CORO1C: variants seen among roughly 807,000 people sequenced by gnomAD.
The protein encoded by CORO1C is coronin 1C.
CORO1C carries 14 observed loss-of-function variants against 51.2 expected under a neutral mutation model. The ratio of observed to expected loss-of-function variants is 0.27; its 90% CI spans 0.18 to 0.43. CORO1C has a LOEUF of 0.43. CORO1C is among the 20% of genes least tolerant of loss of function. The pLI, the probability that CORO1C is intolerant of heterozygous loss-of-function variation, is 1.00. For synonymous variants in CORO1C, 181 were observed against 210.5 expected (o/e 0.86, Z 1.21); for missense variants, 417 against 607.8 (o/e 0.69, Z 3.30).
At chr12:108,706,720 G>C (rs757613425) in intron 1 of CORO1C, among the ~76,000 whole-genome samples, 1 of 152,044 alleles carries the variant, frequency 6.6e-6, no homozygotes, top group South Asian at 2.1e-4. Context: ...TCAGCCTCCC[G>C]AGTAGCCGGG....
chr12:108,671,894 C>A (rs1358573818), intron 3 of CORO1C, among the ~76,000 whole-genome samples: 1 of 152,160 alleles, frequency 6.6e-6, no homozygotes, highest in Non-Finnish European at 1.5e-5. Context: ...TCCCAAGCAG[C>A]TGGGACCACA....
intron 1 of CORO1C, among the ~76,000 whole-genome samples, chr12:108,713,647 G>A (rs965369929): frequency 6.6e-6 from 1 of 152,226 alleles, no homozygotes; most frequent in Non-Finnish European, 1.5e-5. Context: ...GGCCCGTCAC[G>A]TTTCAGCCTG....
intron 4 of CORO1C, among the ~76,000 whole-genome samples, chr12:108,660,467 AAAAAAAG>A (rs1472114582): frequency 1.7e-4 from 26 of 151,810 alleles, no homozygotes; most frequent in Admixed American, 1.6e-3. Context: ...AAAAAAAAAA[AAAAAAAG>A]AAGTAGGAAA....
chr12:108,684,456 G>A (rs979536736), intron 2 of CORO1C, among the ~76,000 whole-genome samples: 2 of 152,078 alleles, frequency 1.3e-5, no homozygotes. Flanking sequence ...CCCATATTTT[G>A]TACAAGAGGA....
chr12:108,664,950 G>C (rs2033415717), intron 3 of CORO1C, among the ~76,000 whole-genome samples: 1 of 152,192 alleles, frequency 6.6e-6, no homozygotes, highest in Non-Finnish European at 1.5e-5. Context: ...GATGCACTGT[G>C]ACCCCACTTA....
At chr12:108,691,299 G>A (rs749760161) in intron 2 of CORO1C, among the ~76,000 whole-genome samples, 3 of 152,196 alleles carry the variant, frequency 2.0e-5, no homozygotes, top group Non-Finnish European at 4.4e-5. Context: ...CCTAATGGGC[G>A]AAGATATTCA....
At chr12:108,723,229 G>A (rs149364457) in intron 1 of CORO1C, among the ~76,000 whole-genome samples, 29 of 152,292 alleles carry the variant, frequency 1.9e-4, no homozygotes, top group African/African-American at 7.0e-4. Flanking sequence ...GCACTTTCAC[G>A]TGTGTTCCTC....
intron 6 of CORO1C, among the ~76,000 whole-genome samples, chr12:108,657,080 A>T (rs2033058976): frequency 2.0e-5 from 3 of 152,308 alleles, no homozygotes; most frequent in African/African-American, 7.2e-5. Context: ...AAAAATAAAA[A>T]ATATATAGTC....
At chr12:108,690,507 A>G (rs2034458757) in intron 2 of CORO1C, among the ~76,000 whole-genome samples, 1 of 152,246 alleles carries the variant, frequency 6.6e-6, no homozygotes, top group Non-Finnish European at 1.5e-5. Context: ...TGAATAGACC[A>G]TATTTTAAAA....
chr12:108,669,500 G>T (rs12578143), intron 3 of CORO1C, among the ~76,000 whole-genome samples: 8,676 of 151,976 alleles, frequency 0.057, 513 homozygotes, highest in East Asian at 0.32. Flanking sequence ...AAGGCAACTG[G>T]GGCTGAGAGC....
At chr12:108,678,159 A>G (rs1233917309) in intron 3 of CORO1C, 113 bp downstream of exon 3, 3 of 852,554 alleles carry the variant, frequency 3.5e-6, no homozygotes, top group East Asian at 2.9e-5. Flanking sequence ...CAAAACTGCT[A>G]TAACGTTCTG....
intron 3 of CORO1C, 150 bp from the exon 4 acceptor site, chr12:108,662,308 T>C (rs910144781): frequency 1.8e-5 from 13 of 720,752 alleles, no homozygotes; most frequent in Admixed American, 2.9e-5. Context: ...GAAATGACCG[T>C]GTTAGGCGGT....
intron 2 of CORO1C, among the ~76,000 whole-genome samples, chr12:108,693,843 G>GA (rs376097106): frequency 3.4e-4 from 49 of 144,854 alleles, no homozygotes; most frequent in East Asian, 1.2e-3. Context: ...CTACGCAGAG[G>GA]AAAAAAAAAA....
intron 1 of CORO1C, among the ~76,000 whole-genome samples, chr12:108,709,628 C>T (rs2035124801): frequency 6.6e-6 from 1 of 152,062 alleles, no homozygotes; most frequent in Non-Finnish European, 1.5e-5. Context: ...CTGTTATCAG[C>T]TATATTGTCC....
chr12:108,650,733 C>T (rs2136793207), intron 8 of CORO1C, among the ~76,000 whole-genome samples: 1 of 152,352 alleles, frequency 6.6e-6, no homozygotes, highest in Admixed American at 6.5e-5. Flanking sequence ...TCAAGAAACA[C>T]TTCATAAATC....
At chr12:108,662,270 G>T in intron 3 of CORO1C, 112 bp from the exon 4 acceptor site, 2 of 855,064 alleles carry the variant, frequency 2.3e-6, no homozygotes, top group Non-Finnish European at 1.9e-6. Flanking sequence ...AACATAGAGT[G>T]ATATCTGGAT....
intron 8 of CORO1C, 150 bp downstream of exon 8, chr12:108,652,122 T>G (rs1257017245): frequency 2.1e-6 from 1 of 466,936 alleles, no homozygotes; most frequent in Non-Finnish European, 3.7e-6. Flanking sequence ...CCTTAGAAAG[T>G]GCCATCTCAT....
At chr12:108,698,960 G>A (rs1253065849) in intron 2 of CORO1C, among the ~76,000 whole-genome samples, 2 of 152,138 alleles carry the variant, frequency 1.3e-5, no homozygotes, top group African/African-American at 2.4e-5. Context: ...CCCAAGTATT[G>A]ATCTTATTTC....
intron 2 of CORO1C, among the ~76,000 whole-genome samples, chr12:108,683,804 A>G (rs932220152): frequency 2.6e-5 from 4 of 152,178 alleles, no homozygotes; most frequent in Non-Finnish European, 4.4e-5. Flanking sequence ...AGATGGTTTT[A>G]CAGGTGAGTG....
Sources: allele counts gnomAD v4.1 joint callset (sites outside exome capture counted in the v4.1 genomes callset), GRCh38; gene constraint gnomAD v4.1.1; transcripts MANE v1.5; gene names NCBI Gene and HGNC (gene_info 2026-07-23, HGNC 2026-07-21).